BCAT1: variants seen among roughly 807,000 people sequenced by gnomAD.
The protein encoded by BCAT1 is branched-chain-amino-acid aminotransferase, cytosolic.
In BCAT1, 48 loss-of-function variants were observed where a neutral mutation model predicts 52.4. The observed-to-expected ratio is 0.92, with a 90% CI of 0.73 to 1.16. The LOEUF (loss-of-function observed/expected upper bound fraction) is 1.16. Among genes scored for constraint, BCAT1 ranks in the 50% most tolerant of loss-of-function variants. The probability of loss-of-function intolerance (pLI) is 0.00; values close to 1 mark genes in which losing one functional copy is unlikely to be tolerated. For synonymous variants in BCAT1, 167 were observed against 161.3 expected (o/e 1.04, Z -0.27); for missense variants, 451 against 457.1 (o/e 0.99, Z 0.12).
chr12:24,834,022 G>T (rs12227952), intron 8 of BCAT1: 35,262 of 317,962 alleles, frequency 0.11, 2,192 homozygotes, highest in Non-Finnish European at 0.12. Context: ...GTAAAGATAG[G>T]GGTCTCCCTA....
chr12:24,840,129 G>T (rs1410128353), intron 7 of BCAT1, among the ~76,000 whole-genome samples: 1 of 152,182 alleles, frequency 6.6e-6, no homozygotes, highest in African/African-American at 2.4e-5. Flanking sequence ...ACCTTTAAAA[G>T]CCATGGTGGA....
In BCAT1 at chr12:24,836,530, A is replaced by ACT; in HGVS notation, c.883_884insAG (p.Leu295GlnfsTer23). 1 of 1,613,058 alleles carries ACT rather than the reference A, an allele frequency of 6.2e-7. No homozygotes were observed. The highest frequency in any genetic ancestry group is 2.2e-5 in the East Asian group (1 of 44,856). On this transcript the variant is annotated frameshift_variant, in exon 8 of 11. Coordinates refer to ENST00000261192, the MANE Select transcript of BCAT1 (RefSeq NM_005504.7). LOFTEE classifies it high-confidence loss of function. ...ACCCACCCACTGATGTGCCAGGTCCAGAATGCACCGCCTTGTCACTCCTGG... is the reference window on the plus strand; with the variant it reads ...ACCCACCCACTGATGTGCCAGGTCCACTGAATGCACCGCCTTGTCACTCCTGG...
intron 5 of BCAT1, among the ~76,000 whole-genome samples, chr12:24,876,713 C>T (rs1279834279): frequency 1.3e-5 from 2 of 152,070 alleles, no homozygotes; most frequent in Non-Finnish European, 2.9e-5. Flanking sequence ...TAAAAGAAAA[C>T]CAAACACTGC....
chr12:24,923,157 A>G (rs1943527050), intron 1 of BCAT1, among the ~76,000 whole-genome samples: 1 of 152,220 alleles, frequency 6.6e-6, no homozygotes, highest in Admixed American at 6.5e-5. Context: ...GATGTTCAGC[A>G]GAAACTTCAT....
chr12:24,867,424 G>A (rs1377590364), intron 5 of BCAT1, among the ~76,000 whole-genome samples: 1 of 150,684 alleles, frequency 6.6e-6, no homozygotes, highest in Non-Finnish European at 1.5e-5. Flanking sequence ...AGCAGTTATG[G>A]CAAAGCTGTC....
intron 1 of BCAT1, among the ~76,000 whole-genome samples, chr12:24,906,958 G>A (rs1022878534): frequency 2.6e-5 from 4 of 152,232 alleles, no homozygotes; most frequent in African/African-American, 7.2e-5. Flanking sequence ...TGTCTCAAAC[G>A]CAAATCTGAA....
intron 1 of BCAT1, among the ~76,000 whole-genome samples, chr12:24,937,616 A>G (rs1174624794): frequency 6.6e-6 from 1 of 152,044 alleles, no homozygotes; most frequent in African/African-American, 2.4e-5. Flanking sequence ...TGCTCAAGTG[A>G]TCCTCCCACC....
intron 2 of BCAT1, among the ~76,000 whole-genome samples, chr12:24,899,791 C>A (rs1355336629): frequency 4.1e-4 from 60 of 145,918 alleles, no homozygotes; most frequent in South Asian, 4.3e-4. Context: ...AAAAAAAAAA[C>A]CCAGAAAAAC....
At chr12:24,899,510 T>A (rs960302508) in intron 2 of BCAT1, among the ~76,000 whole-genome samples, 1 of 151,836 alleles carries the variant, frequency 6.6e-6, no homozygotes, top group East Asian at 1.9e-4. Flanking sequence ...AATGACCATA[T>A]AAACCAACAA....
At chr12:24,931,259 T>C (rs1943671735) in intron 1 of BCAT1, among the ~76,000 whole-genome samples, 1 of 152,026 alleles carries the variant, frequency 6.6e-6, no homozygotes, top group South Asian at 2.1e-4. Flanking sequence ...GAGTAAAATT[T>C]TAAAATTCAG....
chr12:24,855,614 C>G (rs1336753849), intron 5 of BCAT1, among the ~76,000 whole-genome samples: 1 of 152,114 alleles, frequency 6.6e-6, no homozygotes, highest in Non-Finnish European at 1.5e-5. Context: ...TCCCTGACCT[C>G]AAGTGATCCA....
chr12:24,902,170 G>T, intron 1 of BCAT1: 2 of 1,433,594 alleles, frequency 1.4e-6, no homozygotes, highest in Non-Finnish European at 1.8e-6. Context: ...ACAGAGCCAG[G>T]GTTCGCCGGC....
chr12:24,814,072 A>G lies in BCAT1; in HGVS notation c.*3936T>C, dbSNP rs1939786356. 6.6e-6 allele frequency: 1 copy of G among 152,136 alleles called. No homozygotes were observed. The highest frequency in any genetic ancestry group is 2.4e-5 in the African/African-American group (1 of 41,452). The allele number at this position is 152,136 out of a possible 1,614,324, so 9.4% of individuals were successfully genotyped here. On this transcript the variant is annotated 3_prime_UTR_variant, in exon 11 of 11. Coordinates refer to ENST00000261192, the MANE Select transcript of BCAT1 (RefSeq NM_005504.7). ...TCCTTTTGTGGGGAGATATCTGGAA[A>G]ATAGCTGAACAAACTCTACATGTGG...
At chr12:24,917,181 A>T (rs1024608044) in intron 1 of BCAT1, among the ~76,000 whole-genome samples, 4 of 142,296 alleles carry the variant, frequency 2.8e-5, no homozygotes, top group African/African-American at 5.2e-5. Context: ...TCAGTTTTTC[A>T]TTAGAGCTTT....
intron 5 of BCAT1, among the ~76,000 whole-genome samples, chr12:24,877,421 G>C (rs17314570): frequency 6.6e-6 from 1 of 152,130 alleles, no homozygotes; most frequent in Admixed American, 6.5e-5. Context: ...AAACATACTC[G>C]TCCGCTCAAA....
chr12:24,882,325 A>T (rs1159469485), intron 3 of BCAT1, among the ~76,000 whole-genome samples: 2 of 152,224 alleles, frequency 1.3e-5, no homozygotes, highest in African/African-American at 4.8e-5. Context: ...ATTAGAAAAT[A>T]AGTTAAACTG....
intron 1 of BCAT1, among the ~76,000 whole-genome samples, chr12:24,943,721 A>C (rs1331624068): frequency 6.6e-6 from 1 of 152,158 alleles, no homozygotes; most frequent in Non-Finnish European, 1.5e-5. Flanking sequence ...GCGGTGGCTC[A>C]CGCCTGTAAT....
chr12:24,900,174 C>T (rs529307345), intron 2 of BCAT1, among the ~76,000 whole-genome samples: 36 of 152,260 alleles, frequency 2.4e-4, no homozygotes, highest in Middle Eastern at 3.4e-3. Flanking sequence ...TGCCTTATTA[C>T]ATATGTGCTG....
At chr12:24,940,664 A>T (rs951246761) in intron 1 of BCAT1, among the ~76,000 whole-genome samples, 1 of 152,240 alleles carries the variant, frequency 6.6e-6, no homozygotes, top group African/African-American at 2.4e-5. Context: ...AGAGCCAACC[A>T]TGAATAGTTG....
Sources: allele counts gnomAD v4.1 joint callset (sites outside exome capture counted in the v4.1 genomes callset), GRCh38; gene constraint gnomAD v4.1.1; transcripts MANE v1.5; gene names NCBI Gene and HGNC (gene_info 2026-07-23, HGNC 2026-07-21).